LRRIQ1: variants seen among roughly 807,000 people sequenced by gnomAD.
The protein encoded by LRRIQ1 is leucine rich repeats and IQ motif containing 1.
In LRRIQ1, 210 loss-of-function variants were observed where a neutral mutation model predicts 211.9. The observed-to-expected ratio is 0.99, with a 90% CI of 0.89 to 1.11. LRRIQ1 has a LOEUF of 1.11. Ranked by LOEUF, LRRIQ1 falls within the 50% of genes most tolerant of loss-of-function variation. The pLI is 0.00. For missense variants in LRRIQ1, 2,136 were observed against 1,939.5 expected, an observed-to-expected ratio of 1.10 and a Z score of -1.90; for synonymous variants, 699 against 650.1, an observed-to-expected ratio of 1.08 and a Z score of -1.14.
At chr12:85,206,339 G>T (rs1303210066) in intron 24 of LRRIQ1, among the ~76,000 whole-genome samples, 1 of 152,194 alleles carries the variant, frequency 6.6e-6, no homozygotes, top group Non-Finnish European at 1.5e-5. Flanking sequence ...CAGGTGGCAG[G>T]GCTGCTGGTT....
intron 25 of LRRIQ1, among the ~76,000 whole-genome samples, chr12:85,230,229 G>GTTAATA (rs1462205395): frequency 6.6e-6 from 1 of 152,138 alleles, no homozygotes; most frequent in African/African-American, 2.4e-5. Context: ...ATTAATGTAT[G>GTTAATA]TACCATTTTG....
At chr12:85,093,970 G>C (rs1361708937) in intron 11 of LRRIQ1, among the ~76,000 whole-genome samples, 3 of 152,166 alleles carry the variant, frequency 2.0e-5, no homozygotes. Context: ...CAGGTGAATT[G>C]ACTTTGGCCA....
At chr12:85,046,200 A>C (rs1363638179) in intron 5 of LRRIQ1, 63 bp downstream of exon 5, 7 of 958,124 alleles carry the variant, frequency 7.3e-6, no homozygotes, top group Non-Finnish European at 1.1e-5. Context: ...AGTTATTTAA[A>C]AAAAATTGGA....
intron 26 of LRRIQ1, among the ~76,000 whole-genome samples, chr12:85,234,703 A>T (rs765105580): frequency 3.9e-5 from 6 of 152,218 alleles, no homozygotes; most frequent in African/African-American, 1.4e-4. Context: ...AAGTAAAAAC[A>T]GAAAGAAAAA....
At chr12:85,080,615 A>G (rs750777765) in intron 11 of LRRIQ1, among the ~76,000 whole-genome samples, 4 of 150,382 alleles carry the variant, frequency 2.7e-5, no homozygotes, top group South Asian at 4.2e-4. Flanking sequence ...TGTTCAATCT[A>G]TCCATGAAAG....
the LRRIQ1 span, among the ~76,000 whole-genome samples, chr12:85,271,665 T>C: frequency 6.6e-6 from 1 of 152,162 alleles, no homozygotes; most frequent in African/African-American, 2.4e-5. Flanking sequence ...TAATATAAGC[T>C]AATTTTTTAA....
At chr12:85,051,829 G>A (rs535940820) in intron 6 of LRRIQ1, among the ~76,000 whole-genome samples, 3 of 152,174 alleles carry the variant, frequency 2.0e-5, no homozygotes, top group African/African-American at 7.2e-5. Flanking sequence ...GACATGGTGA[G>A]AAAACAATTG....
intron 25 of LRRIQ1, among the ~76,000 whole-genome samples, chr12:85,231,191 G>A (rs1371759657): frequency 6.6e-6 from 1 of 152,140 alleles, no homozygotes; most frequent in Non-Finnish European, 1.5e-5. Context: ...TAGTTTAACA[G>A]CAAGTCAAAA....
exon 2 of LRRIQ1, chr12:85,263,340 G>A (rs573701015): frequency 6.6e-6 from 1 of 152,002 alleles, no homozygotes; most frequent in East Asian, 1.9e-4. Flanking sequence ...TAATTTTTAT[G>A]ACACATGTAT....
intron 18 of LRRIQ1, among the ~76,000 whole-genome samples, chr12:85,133,364 C>G (rs1174543048): frequency 6.6e-6 from 1 of 151,996 alleles, no homozygotes; most frequent in African/African-American, 2.4e-5. Context: ...TAACATAGCC[C>G]CTCCTGGAGT....
intron 19 of LRRIQ1, among the ~76,000 whole-genome samples, chr12:85,141,064 G>A (rs1291898545): frequency 1.3e-5 from 2 of 150,864 alleles, no homozygotes; most frequent in African/African-American, 4.9e-5. Flanking sequence ...TTTTAGTATC[G>A]TATTATGTTG....
At chr12:85,266,604 C>G (rs1337090507), downstream of LRRIQ1, among the ~76,000 whole-genome samples, 1 of 152,024 alleles carries the variant, frequency 6.6e-6, no homozygotes, top group East Asian at 1.9e-4. Flanking sequence ...AGCAAGGGAG[C>G]AAGTAAGTTT....
intron 24 of LRRIQ1, among the ~76,000 whole-genome samples, chr12:85,223,305 C>G (rs1202270935): frequency 6.6e-6 from 1 of 151,924 alleles, no homozygotes; most frequent in Non-Finnish European, 1.5e-5. Flanking sequence ...TTGGGAGCAC[C>G]AACATCTAAA....
At chr12:85,261,765 T>TTTTTTTTA (rs1555231833) in intron 1 of LRRIQ1, among the ~76,000 whole-genome samples, 4 of 139,666 alleles carry the variant, frequency 2.9e-5, no homozygotes, top group South Asian at 4.4e-4. Flanking sequence ...TTTTTGTTTA[T>TTTTTTTTA]TTTATTTATT....
chr12:85,159,981 TA>T (rs1434667057), intron 23 of LRRIQ1, among the ~76,000 whole-genome samples: 1 of 152,042 alleles, frequency 6.6e-6, no homozygotes, highest in Non-Finnish European at 1.5e-5. Context: ...TCATACTTAG[TA>T]AAGATGAATT....
chr12:85,053,096 G>A (rs1257533449), intron 7 of LRRIQ1, among the ~76,000 whole-genome samples: 1 of 152,032 alleles, frequency 6.6e-6, no homozygotes, highest in Non-Finnish European at 1.5e-5. Flanking sequence ...GACACCATTA[G>A]TGAAATGAGA....
At chr12:85,059,096 A>G (rs1881479759) in intron 8 of LRRIQ1, among the ~76,000 whole-genome samples, 1 of 151,950 alleles carries the variant, frequency 6.6e-6, no homozygotes, top group Non-Finnish European at 1.5e-5. Context: ...CACTGTTACT[A>G]CTGATCCATG....
chr12:85,228,539 G>A (rs1352346777), intron 24 of LRRIQ1, among the ~76,000 whole-genome samples: 1 of 152,108 alleles, frequency 6.6e-6, no homozygotes, highest in African/African-American at 2.4e-5. Context: ...CAGATTTTAC[G>A]CTTTCCAGAG....
chr12:85,247,295 TTC>T (rs1442736819), downstream of LRRIQ1, among the ~76,000 whole-genome samples: 1 of 151,648 alleles, frequency 6.6e-6, no homozygotes, highest in African/African-American at 2.4e-5. Flanking sequence ...TCCTTTAGCT[TTC>T]TCTCTCTGTC....
Sources: allele counts gnomAD v4.1 joint callset (sites outside exome capture counted in the v4.1 genomes callset), GRCh38; gene constraint gnomAD v4.1.1; transcripts MANE v1.5; gene names NCBI Gene and HGNC (gene_info 2026-07-23, HGNC 2026-07-21).